The following TIAM2 variants were observed in gnomAD, a reference collection of about 807,000 sequenced individuals.
TIAM2 encodes the protein rho guanine nucleotide exchange factor TIAM2.
TIAM2 carries 80 observed loss-of-function variants against 152.9 expected under a neutral mutation model. That is an observed-to-expected ratio of 0.52 (90% confidence interval 0.44 to 0.63). The LOEUF (loss-of-function observed/expected upper bound fraction) is 0.63, where lower values mean the gene tolerates loss of function less well. Among genes scored for constraint, TIAM2 ranks in the 30% least tolerant of loss-of-function variants. The pLI is 0.00. For missense variants in TIAM2, 1,965 were observed against 2,120.1 expected (o/e 0.93, Z 1.44); for synonymous variants, 804 against 838.0 (o/e 0.96, Z 0.70).
At chr6:155,091,987 A>T (rs1339718681) in intron 2 of TIAM2, among the ~76,000 whole-genome samples, 1 of 152,000 alleles carries the variant, frequency 6.6e-6, no homozygotes, top group Non-Finnish European at 1.5e-5. Context: ...AACCTCGACC[A>T]CCCGGGATCA....
intron 1 of TIAM2, among the ~76,000 whole-genome samples, chr6:155,082,634 G>C (rs1196086751): frequency 1.4e-5 from 2 of 146,052 alleles, no homozygotes; most frequent in Non-Finnish European, 3.0e-5. Context: ...TGGGCAACAA[G>C]AGTAAAACTC....
At chr6:155,135,471 A>T (rs558753334) in intron 4 of TIAM2, among the ~76,000 whole-genome samples, 1 of 152,318 alleles carries the variant, frequency 6.6e-6, no homozygotes, top group Non-Finnish European at 1.5e-5. Context: ...CTGCAGAGTT[A>T]TCTTCATTTA....
intron 1 of TIAM2, among the ~76,000 whole-genome samples, chr6:155,055,335 A>G (rs1777422064): frequency 6.6e-6 from 1 of 152,184 alleles, no homozygotes; most frequent in Non-Finnish European, 1.5e-5. Context: ...AAGTTCTCCA[A>G]AGAAAACTAA....
intron 1 of TIAM2, among the ~76,000 whole-genome samples, chr6:155,015,749 CAACA>C (rs1334367820): frequency 6.6e-6 from 1 of 151,770 alleles, no homozygotes; most frequent in Non-Finnish European, 1.5e-5. Context: ...CCAGCCTGGC[CAACA>C]TGGTGAAATC....
intron 1 of TIAM2, among the ~76,000 whole-genome samples, chr6:155,051,894 C>T (rs534931214): frequency 2.0e-3 from 311 of 152,276 alleles, no homozygotes; most frequent in Non-Finnish European, 3.7e-3. Flanking sequence ...CCCGTCTAGG[C>T]CTCCCAAAGT....
At chr6:155,122,783 G>T (rs1285069466) in intron 2 of TIAM2, among the ~76,000 whole-genome samples, 1 of 151,654 alleles carries the variant, frequency 6.6e-6, no homozygotes, top group Non-Finnish European at 1.5e-5. Context: ...CTTCACAGGG[G>T]TTGCTGCGGG....
chr6:155,014,456 T>C (rs998894829), intron 1 of TIAM2, among the ~76,000 whole-genome samples: 1 of 152,226 alleles, frequency 6.6e-6, no homozygotes, highest in African/African-American at 2.4e-5. Context: ...TGCTTTTTTT[T>C]CTATTATAAT....
chr6:155,165,557 T>C, intron 9 of TIAM2, 148 bp downstream of exon 9: 1 of 1,170,160 alleles, frequency 8.5e-7, no homozygotes, highest in East Asian at 2.5e-5. Flanking sequence ...TCTAGCACAC[T>C]GGGAGGGCAA....
chr6:155,126,645 C>T (rs1169072286), intron 2 of TIAM2, among the ~76,000 whole-genome samples: 5 of 152,056 alleles, frequency 3.3e-5, no homozygotes, highest in South Asian at 2.1e-4. Flanking sequence ...GTAGGAGAAT[C>T]GCTTGAACCC....
At chr6:155,029,484 A>AAT (rs1267863950) in intron 1 of TIAM2, among the ~76,000 whole-genome samples, 3,666 of 13,546 alleles carry the variant, frequency 0.27, 866 homozygotes, top group Non-Finnish European at 0.31. Flanking sequence ...TAGTATATAT[A>AAT]CTATAGTATA....
chr6:155,100,714 A>C (rs1778533113), intron 2 of TIAM2, among the ~76,000 whole-genome samples: 1 of 152,212 alleles, frequency 6.6e-6, no homozygotes, highest in Non-Finnish European at 1.5e-5. Flanking sequence ...TAAGAGGCAG[A>C]CCTTATGTTA....
At chr6:155,127,460 A>G in intron 2 of TIAM2, 30 bp from the exon 3 acceptor site, 1 of 425,578 alleles carries the variant, frequency 2.3e-6, no homozygotes, top group South Asian at 1.7e-5. Context: ...AAAACGCTTC[A>G]CAGAGTTTTC....
Position 155,129,708 on chromosome 6 carries a change from T to G in TIAM2, c.485T>G (p.Leu162Arg), listed in dbSNP as rs139515861. Residue 162 changes from leucine to arginine, a missense_variant, in exon 4 of 27, where the codon CTC (leucine) becomes CGC (arginine). Physicochemically the swap from Leu to Arg is moderately radical, Grantham distance 102. Coordinates refer to ENST00000682666, the MANE Select transcript of TIAM2 (RefSeq NM_012454.4). This position sits in a 1 kb window ranked among gnomAD's most constrained non-coding sequence, Gnocchi z 4.8. ...PGEDRKSPRV[L>R]IKTLGKLDGC... ...GAAGACCGCAAGAGCCCCCGAGTGC[T>G]CATCAAAACGCTGGGGAAGCTGGAT... is the stretch of plus-strand genomic sequence containing the variant. 258 of 1,614,050 alleles carry G rather than the reference T, an allele frequency of 1.6e-4. No homozygotes were observed. The Middle Eastern group carries it at 2.8e-3, about 18-fold the overall frequency.
rs1199945512 is a variant in TIAM2 at position 155,213,466 on chromosome 6, C to T, written c.3168+2159C>T. ...TCTCCTCAGCTGGTTGTCTCATTGT[C>T]TCTTTGAGTCTGGCTGAGTCCAGGG... is the stretch of plus-strand genomic sequence containing the variant. On this transcript the variant is annotated intron_variant, in intron 15 of 26. Coordinates refer to ENST00000682666, the MANE Select transcript of TIAM2 (RefSeq NM_012454.4). This position sits in a 1 kb window ranked among gnomAD's most constrained non-coding sequence, Gnocchi z 4.2. Among the ~76,000 whole-genome samples, 1 of 152,148 alleles carries T rather than the reference C, an allele frequency of 6.6e-6. No homozygotes were observed. The highest frequency in any genetic ancestry group is 1.5e-5 in the Non-Finnish European group (1 of 68,016).
intron 3 of TIAM2, among the ~76,000 whole-genome samples, chr6:155,128,044 T>C (rs963714859): frequency 4.6e-5 from 7 of 152,122 alleles, no homozygotes; most frequent in Non-Finnish European, 8.8e-5. Flanking sequence ...TCTTCTTTCC[T>C]CCCTTCCTCC....
chr6:155,256,334 ATT>A, intron 26 of TIAM2, 148 bp from the exon 27 acceptor site: 2 of 1,153,442 alleles, frequency 1.7e-6, no homozygotes, highest in Non-Finnish European at 2.4e-6. Flanking sequence ...CAGTAGCTAC[ATT>A]TTTGCCTAAT....
chr6:155,045,048 T>C (rs2114912436), intron 1 of TIAM2, among the ~76,000 whole-genome samples: 1 of 148,714 alleles, frequency 6.7e-6, no homozygotes, highest in East Asian at 2.1e-4. Flanking sequence ...CTTTTTCTTT[T>C]TCTTTTTTTT....
chr6:155,129,181 G>A lies in TIAM2; in HGVS notation c.-6-37G>A. 6.4e-7 allele frequency: 1 copy of A among 1,574,610 alleles called. No homozygotes were observed. Among genetic ancestry groups the A allele is most frequent in the East Asian group, 2.3e-5 (1 of 44,444 alleles). ...TTCTGTCATAATGGAATGTAATTTA[G>A]GCCACGGTCTTACTGATGCAACTGT... On this transcript the variant is annotated intron_variant, in intron 3 of 26. Coordinates refer to ENST00000682666, the MANE Select transcript of TIAM2 (RefSeq NM_012454.4). The surrounding 1 kb of genome is among the most constrained non-coding windows in gnomAD (Gnocchi z 4.8).
At chr6:155,152,839 T>G (rs1780008174) in intron 7 of TIAM2, among the ~76,000 whole-genome samples, 2 of 152,128 alleles carry the variant, frequency 1.3e-5, no homozygotes, top group Non-Finnish European at 2.9e-5. Context: ...GGTTTCTCTG[T>G]GGCCACAAGG....
Sources: gnomAD v4.1 joint callset for allele counts (sites outside exome capture counted in the v4.1 genomes callset) on GRCh38, gnomAD v4.1.1 for gene constraint, Gnocchi (gnomAD v3.1) non-coding constraint, MANE v1.5 for transcripts, NCBI Gene and HGNC (gene_info 2026-07-23, HGNC 2026-07-21) for gene names.